The following AKAP1 variants were observed in gnomAD, a reference collection of about 807,000 sequenced individuals.
The protein encoded by AKAP1 is A-kinase anchor protein 1, mitochondrial.
A neutral mutation model predicts 79.8 loss-of-function variants in AKAP1; 32 were observed. The ratio of observed to expected loss-of-function variants is 0.40; its 90% CI spans 0.30 to 0.54. AKAP1 has a LOEUF of 0.54. AKAP1 is among the 20% of genes least tolerant of loss of function. The pLI is 0.47. For synonymous variants in AKAP1, 416 were observed against 466.7 expected (o/e 0.89, Z 1.40); for missense variants, 961 against 1,138.9 (o/e 0.84, Z 2.25).
chr17:57,087,204 A>T (rs1597953498), intron 1 of AKAP1, among the ~76,000 whole-genome samples: 1 of 152,224 alleles, frequency 6.6e-6, no homozygotes, highest in African/African-American at 2.4e-5. Flanking sequence ...ATGTTGTCAG[A>T]TGATGGCTCA....
In AKAP1 at chr17:57,106,319, G is replaced by A. The variant is rs778037183; in HGVS notation, c.855G>A (p.Ala285=). ...AHTELAKDDA[A]PAPPVADAKA... is the part of the protein sequence containing the mutation. ...CAGAGCTGGCAAAGGACGATGCGGC[G>A]CCAGCACCCCCAGTCGCAGACGCCA... The change falls in exon 2 of 11, where the codon GCG becomes GCA. Residue 285 remains alanine (A), a synonymous_variant. Coordinates refer to ENST00000337714, the MANE Select transcript of AKAP1 (RefSeq NM_003488.4). The A allele has an allele frequency of 2.2e-5, 35 of 1,614,166 alleles. No homozygotes were observed. The East Asian group carries it at 2.9e-4, about 13-fold the overall frequency.
chr17:57,118,795 A>G (rs942724450), intron 9 of AKAP1, among the ~76,000 whole-genome samples, 187 bp from the exon 10 acceptor site: 1 of 152,154 alleles, frequency 6.6e-6, no homozygotes, highest in Non-Finnish European at 1.5e-5. Flanking sequence ...AGATACTTAT[A>G]AAACCATCAG....
At chr17:57,119,818 C>G (rs1276049242) in intron 10 of AKAP1, among the ~76,000 whole-genome samples, 1 of 82,152 alleles carries the variant, frequency 1.2e-5, no homozygotes, top group Non-Finnish European at 2.6e-5. Flanking sequence ...CCATGTCCCC[C>G]ACCCTGTTAC....
chr17:57,105,392 C>T (rs546025366), intron 1 of AKAP1, 49 bp from the exon 2 acceptor site: 2 of 1,569,464 alleles, frequency 1.3e-6, no homozygotes, highest in Admixed American at 1.7e-5. Flanking sequence ...CAGTATCCTC[C>T]TACCTGGCTC....
intron 3 of AKAP1, among the ~76,000 whole-genome samples, chr17:57,110,846 C>T (rs933217389): frequency 6.6e-6 from 1 of 152,156 alleles, no homozygotes; most frequent in Non-Finnish European, 1.5e-5. Context: ...TAAGTGGTTT[C>T]GAGCTTCTTG....
intron 1 of AKAP1, among the ~76,000 whole-genome samples, 160 bp downstream of exon 1, chr17:57,085,558 C>T (rs1025023382): frequency 1.3e-5 from 2 of 151,892 alleles, no homozygotes; most frequent in African/African-American, 4.8e-5. Flanking sequence ...TGGGGGCTCT[C>T]GGCCGCCGCG....
chr17:57,115,060 C>G (rs1915496559), intron 6 of AKAP1, among the ~76,000 whole-genome samples: 1 of 152,090 alleles, frequency 6.6e-6, no homozygotes, highest in African/African-American at 2.4e-5. Context: ...AAAAAATCCC[C>G]AAGTCCAACA....
intron 1 of AKAP1, among the ~76,000 whole-genome samples, chr17:57,103,959 A>G (rs1287056855): frequency 6.6e-6 from 1 of 151,892 alleles, no homozygotes; most frequent in African/African-American, 2.4e-5. Context: ...GACCTAACTG[A>G]CTTAGGTTTC....
At chr17:57,087,835 G>C (rs540179399) in intron 1 of AKAP1, among the ~76,000 whole-genome samples, 1 of 152,310 alleles carries the variant, frequency 6.6e-6, no homozygotes, top group South Asian at 2.1e-4. Flanking sequence ...GTGCATTTCA[G>C]GGCTTTGAAG....
chr17:57,085,255 T>C lies in AKAP1; in HGVS notation c.-168T>C, dbSNP rs1362051535. Reference sequence around the variant, plus strand: ...GTCGCCGCGCGTCTTCAGTATTTAATGTCTCTGTGTTCCACCCGCCTGGGC... The same window carrying C: ...GTCGCCGCGCGTCTTCAGTATTTAACGTCTCTGTGTTCCACCCGCCTGGGC... On this transcript the variant is annotated 5_prime_UTR_variant, in exon 1 of 11. It removes an upstream start codon present in the reference 5' UTR. Coordinates refer to ENST00000337714, the MANE Select transcript of AKAP1 (RefSeq NM_003488.4). 1.3e-5 allele frequency: 2 copies of C among 150,532 alleles called. No individual in the cohort carries two copies. The highest frequency in any genetic ancestry group is 4.9e-5 in the African/African-American group (2 of 41,086). The allele number at this position is 150,532 out of a possible 1,614,324, so 9.3% of individuals were successfully genotyped here.
chr17:57,114,634 A>G lies in AKAP1; in HGVS notation c.2279A>G (p.Glu760Gly). The G allele has an allele frequency of 6.2e-7, 1 of 1,613,486 alleles. No homozygotes were observed. The highest frequency in any genetic ancestry group is 8.5e-7 in the Non-Finnish European group (1 of 1,179,730). Residue 760 changes from glutamate to glycine, a missense_variant and splice_region_variant, in exon 6 of 11, where the codon GAA becomes GGA. Glu to Gly is a moderately conservative substitution (Grantham distance 98). This residue lies in a region of AKAP1 where 629 missense variants were observed against 781.1 expected (regional missense o/e 0.81). Coordinates refer to ENST00000337714, the MANE Select transcript of AKAP1 (RefSeq NM_003488.4). ...PGIPTLPTPV[E>G]ITVICAAPGA... is the part of the protein sequence containing the mutation. ...ATCCCCACCTTGCCCACCCCAGTGG[A>G]AAGTAAGCAGTGCCCTGAGGGGTCG...
chr17:57,110,630 TGA>T (rs1032287965), intron 3 of AKAP1, among the ~76,000 whole-genome samples: 29 of 152,234 alleles, frequency 1.9e-4, no homozygotes, highest in African/African-American at 6.3e-4. Flanking sequence ...ATCCTACCCT[TGA>T]GAGTGACTGT....
At position 57,104,790 on chromosome 17, in the gene AKAP1, C is replaced by T. The variant is rs140388761; in HGVS notation, c.-24-651C>T. 4.1e-3 allele frequency among the ~76,000 whole-genome samples: 626 copies of T among 152,322 alleles called. 2 individuals are homozygous for T. Among genetic ancestry groups the T allele is most frequent in the African/African-American group, 0.014 (593 of 41,578 alleles). On this transcript the variant is annotated intron_variant, in intron 1 of 10. Transcript: ENST00000337714. ...CACCATTGTAAAGTTGAAAAATTCT[C>T]AGTTGAGCCTTGGAAGATCAGGGAG...
At chr17:57,100,604 C>G (rs2144684874) in intron 1 of AKAP1, among the ~76,000 whole-genome samples, 1 of 152,190 alleles carries the variant, frequency 6.6e-6, no homozygotes, top group South Asian at 2.1e-4. Context: ...GGCGACAGAG[C>G]AAGACTCTGT....
In AKAP1 at chr17:57,105,048, C is replaced by A. The variant is rs138100093; in HGVS notation, c.-24-393C>A. Among the ~76,000 whole-genome samples, 80 of 152,276 alleles carry A rather than the reference C, an allele frequency of 5.3e-4. 1 individual carries two copies. The East Asian group carries it at 0.014, about 27-fold the overall frequency. ...CATGGGGGTTTGAAATGCTCTGATGCCACTTGATAGAAAAAAATGTTCTGT... is the reference window on the plus strand; with the variant it reads ...CATGGGGGTTTGAAATGCTCTGATGACACTTGATAGAAAAAAATGTTCTGT... On this transcript the variant is annotated intron_variant, in intron 1 of 10. Transcript: ENST00000337714.
chr17:57,085,256 G>A lies in AKAP1; in HGVS notation c.-167G>A, dbSNP rs1246917112. 1 of 150,922 alleles carries A rather than the reference G, an allele frequency of 6.6e-6. No homozygotes were observed. The highest frequency in any genetic ancestry group is 1.5e-5 in the Non-Finnish European group (1 of 67,620). 9.3% of individuals were successfully genotyped at this position (150,922 alleles called of 1,614,324 possible). A position where few individuals can be genotyped will look rare whatever the true frequency, so the allele number is the denominator to read the frequency against. The stretch of plus-strand genomic sequence containing the variant: ...TCGCCGCGCGTCTTCAGTATTTAAT[G>A]TCTCTGTGTTCCACCCGCCTGGGCT... On this transcript the variant is annotated 5_prime_UTR_variant, in exon 1 of 11. It removes an upstream start codon present in the reference 5' UTR. Coordinates refer to ENST00000337714, the MANE Select transcript of AKAP1 (RefSeq NM_003488.4).
At position 57,098,785 on chromosome 17, in the gene AKAP1, G is replaced by A. The variant is rs564456939; in HGVS notation, c.-24-6656G>A. ...ATTTTTTTTTTTTTTTTTTTGAGAC[G>A]GAGTCTCACTCTGTTGCCCAGGCTG... On this transcript the variant is annotated intron_variant, in intron 1 of 10. Coordinates refer to ENST00000337714, the MANE Select transcript of AKAP1 (RefSeq NM_003488.4). Among the ~76,000 whole-genome samples the A allele has an allele frequency of 2.1e-5, 3 of 140,922 alleles. No homozygotes were observed. The South Asian group carries it at 6.7e-4, about 32-fold the overall frequency. 92.5% of individuals were successfully genotyped at this position (140,922 alleles called of 152,430 possible).
intron 1 of AKAP1, among the ~76,000 whole-genome samples, chr17:57,102,008 C>T (rs996722550): frequency 2.0e-5 from 3 of 152,180 alleles, no homozygotes; most frequent in Non-Finnish European, 4.4e-5. Context: ...ATTCCATAAT[C>T]TACCTAGCAG....
rs781204091 is a variant in AKAP1, at chr17:57,106,274, G to A, written c.810G>A (p.Arg270=). ...EEYVAEKLPS[R]FIESAHTELA... is the part of the protein sequence containing the mutation. ...ATGTAGCAGAGAAGTTGCCAAGTAGGTTCATCGAGTCGGCTCACACAGAGC... is the reference window on the plus strand; with the variant it reads ...ATGTAGCAGAGAAGTTGCCAAGTAGATTCATCGAGTCGGCTCACACAGAGC... Residue 270 remains arginine, a synonymous_variant, in exon 2 of 11, where the codon AGG becomes AGA. Coordinates refer to ENST00000337714, the MANE Select transcript of AKAP1 (RefSeq NM_003488.4). The A allele has an allele frequency of 1.2e-6, 2 of 1,614,212 alleles. No homozygotes were observed. The highest frequency in any genetic ancestry group is 1.7e-6 in the Non-Finnish European group (2 of 1,180,050).
Sources: gnomAD v4.1 joint callset for allele counts (sites outside exome capture counted in the v4.1 genomes callset) on GRCh38, gnomAD v4.1.1 for gene constraint, gnomAD v4.1.1 regional missense constraint, MANE v1.5 for transcripts, NCBI Gene and HGNC (gene_info 2026-07-23, HGNC 2026-07-21) for gene names.